The following ANKS6 variants were observed in gnomAD, a reference collection of about 807,000 sequenced individuals.
The protein encoded by ANKS6 is ankyrin repeat and sterile alpha motif domain containing 6, also known as ankyrin repeat and SAM domain-containing protein 6.
ANKS6 carries 47 observed loss-of-function variants against 77.9 expected under a neutral mutation model. The observed-to-expected ratio is 0.60, with a 90% CI of 0.48 to 0.77. ANKS6 has a LOEUF of 0.77. ANKS6 is among the 30% of genes least tolerant of loss of function. ANKS6 has a pLI of 0.00. For synonymous variants in ANKS6, 488 were observed against 501.7 expected, an observed-to-expected ratio of 0.97 and a Z score of 0.37; for missense variants, 1,150 against 1,159.1, an observed-to-expected ratio of 0.99 and a Z score of 0.11.
At position 98,778,194 on chromosome 9, in the gene ANKS6, A is replaced by G. The variant is rs749862899; in HGVS notation, c.1567+32T>C. The stretch of plus-strand genomic sequence containing the variant: ...GAGGGTACAGGCTCAGACCATTCCA[A>G]AAATTCTACTGCACATGCAGACTTT... On this transcript the variant is annotated intron_variant, in intron 7 of 14. Transcript: ENST00000353234. 7 of 1,612,288 alleles carry G rather than the reference A, an allele frequency of 4.3e-6. No homozygotes were observed. The East Asian group carries it at 8.9e-5, about 21-fold the overall frequency.
chr9:98,784,723 T>C (rs935359497), intron 3 of ANKS6, 109 bp downstream of exon 3: 34 of 1,058,592 alleles, frequency 3.2e-5, no homozygotes, highest in East Asian at 4.8e-5. Context: ...AAAATGCCTG[T>C]TTCTTTCTCA....
At chr9:98,757,344 T>C (rs974443197) in intron 11 of ANKS6, among the ~76,000 whole-genome samples, 7 of 152,216 alleles carry the variant, frequency 4.6e-5, no homozygotes, top group African/African-American at 1.2e-4. Flanking sequence ...TGTATCTCTG[T>C]AGGCTCCTCT....
chr9:98,784,506 T>A (rs1455863144), intron 3 of ANKS6: 2 of 410,306 alleles, frequency 4.9e-6, no homozygotes, highest in Non-Finnish European at 8.6e-6. Flanking sequence ...AGGGTCTATA[T>A]CAAGAGAGAA....
At chr9:98,774,300 A>G (rs1362938355) in intron 8 of ANKS6, among the ~76,000 whole-genome samples, 1 of 152,188 alleles carries the variant, frequency 6.6e-6, no homozygotes, top group African/African-American at 2.4e-5. Context: ...CTCTCCTCAC[A>G]GCAGCAAGAT....
rs779072591 is a variant in ANKS6, at chr9:98,796,238, G to A, written c.254C>T (p.Ala85Val). The A allele has an allele frequency of 1.4e-6, 2 of 1,404,526 alleles. No individual in the cohort carries two copies. Among genetic ancestry groups the A allele is most frequent in the South Asian group, 1.5e-5 (1 of 66,190 alleles). 87.0% of individuals were successfully genotyped at this position (1,404,526 alleles called of 1,614,324 possible). A position where few individuals can be genotyped will look rare whatever the true frequency, so the allele number is the denominator to read the frequency against. Residue 85 changes from alanine (A) to valine (V), a missense_variant, in exon 1 of 15, where the codon GCC (alanine) becomes GTC (valine). Ala to Val is a moderately conservative substitution (Grantham distance 64). Transcript: ENST00000353234. ...DEAGNTALQF[A>V]AAGGHEPLVR... Reference sequence around the variant, plus strand: ...CAGCGGTTCGTGGCCCCCGGCCGCGGCGAACTGCAGTGCGGTGTTGCCCGC... The same window carrying A: ...CAGCGGTTCGTGGCCCCCGGCCGCGACGAACTGCAGTGCGGTGTTGCCCGC...
chr9:98,734,523 T>C lies in ANKS6; in HGVS notation c.*1996A>G. On this transcript the variant is annotated 3_prime_UTR_variant, in exon 15 of 15. Coordinates refer to ENST00000353234, the MANE Select transcript of ANKS6 (RefSeq NM_173551.5). Reference sequence around the variant, plus strand: ...GGCCTACTGTTAACCCCTGAAGCCATCAGTAAATTAAAACAAGAATCACAA... The same window carrying C: ...GGCCTACTGTTAACCCCTGAAGCCACCAGTAAATTAAAACAAGAATCACAA... 1 of 985,366 alleles carries C rather than the reference T, an allele frequency of 1.0e-6. No individual in the cohort carries two copies. The highest frequency in any genetic ancestry group is 4.7e-5 in the South Asian group (1 of 21,284). 61.0% of individuals were successfully genotyped at this position (985,366 alleles called of 1,614,324 possible).
At chr9:98,788,894 G>C (rs1426527868) in intron 2 of ANKS6, among the ~76,000 whole-genome samples, 1 of 152,112 alleles carries the variant, frequency 6.6e-6, no homozygotes, top group Admixed American at 6.5e-5. Flanking sequence ...CAAAGTAAGA[G>C]GTCTCTTGGC....
rs780385252 is a variant in ANKS6, at chr9:98,774,100, G to A, written c.1618-20C>T. The A allele has an allele frequency of 7.0e-6, 10 of 1,435,084 alleles. No homozygotes were observed. The South Asian group carries it at 1.4e-4, about 20-fold the overall frequency. 88.9% of individuals were successfully genotyped at this position (1,435,084 alleles called of 1,614,324 possible). On this transcript the variant is annotated intron_variant, in intron 8 of 14. Coordinates refer to ENST00000353234, the MANE Select transcript of ANKS6 (RefSeq NM_173551.5). Reference sequence around the variant, plus strand: ...TCGAAGCTGAAAAAGACAGGCTGAGGGTTAGACAAGCCCCCAGGAGGGCTC... The same window carrying A: ...TCGAAGCTGAAAAAGACAGGCTGAGAGTTAGACAAGCCCCCAGGAGGGCTC...
At chr9:98,755,992 C>T (rs1349574297) in intron 12 of ANKS6, among the ~76,000 whole-genome samples, 2 of 152,142 alleles carry the variant, frequency 1.3e-5, no homozygotes, top group East Asian at 3.9e-4. Context: ...CACCTGAATT[C>T]AGGCATGGTT....
At chr9:98,747,078 G>A (rs887960860) in intron 13 of ANKS6, among the ~76,000 whole-genome samples, 1 of 152,180 alleles carries the variant, frequency 6.6e-6, no homozygotes, top group East Asian at 1.9e-4. Flanking sequence ...AAATTACAGG[G>A]TGGATGCGGG....
chr9:98,732,484 C>T lies in ANKS6; in HGVS notation c.*4035G>A, dbSNP rs1295814583. The T allele has an allele frequency of 1.3e-6, 2 of 1,550,408 alleles. No homozygotes were observed. On this transcript the variant is annotated 3_prime_UTR_variant, in exon 15 of 15. Coordinates refer to ENST00000353234, the MANE Select transcript of ANKS6 (RefSeq NM_173551.5). ...TCACTTCTGTGGGCTCCGATGCCAG[C>T]AGAGCCACCTGAGCGGCTGCTACCT...
At chr9:98,740,493 G>A (rs750644718) in intron 14 of ANKS6, among the ~76,000 whole-genome samples, 3 of 152,204 alleles carry the variant, frequency 2.0e-5, no homozygotes, top group Non-Finnish European at 4.4e-5. Context: ...GCGCTGCACT[G>A]AAGCTCACCC....
chr9:98,772,458 A>G (rs752834276), intron 9 of ANKS6, among the ~76,000 whole-genome samples: 3 of 152,022 alleles, frequency 2.0e-5, no homozygotes, highest in Admixed American at 1.3e-4. Context: ...GAGAGAATAC[A>G]TTTCTGTTGT....
At chr9:98,783,272 A>C (rs1186384696) in intron 4 of ANKS6, among the ~76,000 whole-genome samples, 2 of 152,112 alleles carry the variant, frequency 1.3e-5, no homozygotes, top group African/African-American at 4.8e-5. Flanking sequence ...TCTGAAATAA[A>C]ATTTCGTCTT....
rs1831499190 is a variant in ANKS6 at position 98,736,337 on chromosome 9, T to C, written c.*182A>G. 3 of 1,421,846 alleles carry C rather than the reference T, an allele frequency of 2.1e-6. No homozygotes were observed. The highest frequency in any genetic ancestry group is 1.4e-5 in the African/African-American group (1 of 69,474). The allele number at this position is 1,421,846 out of a possible 1,614,324, so 88.1% of individuals were successfully genotyped here. A position where few individuals can be genotyped will look rare whatever the true frequency, so the allele number is the denominator to read the frequency against. On this transcript the variant is annotated 3_prime_UTR_variant, in exon 15 of 15. Transcript: ENST00000353234. ...TTACATGGGAATCTGTCTCTGTGTG[T>C]TGAAGTTTGTTGCAGCAAGAAGTAC...
At position 98,792,776 on chromosome 9, in the gene ANKS6, C is replaced by T. The variant is rs116918899; in HGVS notation, c.360-2170G>A. On this transcript the variant is annotated intron_variant, in intron 1 of 14. Coordinates refer to ENST00000353234, the MANE Select transcript of ANKS6 (RefSeq NM_173551.5). ...TTAATCTAAAGCCTCTCAATTTGAA[C>T]GTGATAGAGTCAAAAGTTGCACCTG... is the stretch of plus-strand genomic sequence containing the variant. Among the ~76,000 whole-genome samples, 798 of 152,184 alleles carry T rather than the reference C, an allele frequency of 5.2e-3. 6 individuals carry two copies. Among genetic ancestry groups the T allele is most frequent in the South Asian group, 0.024 (114 of 4,808 alleles).
At position 98,778,376 on chromosome 9, in the gene ANKS6, G is replaced by C; in HGVS notation, c.1417C>G (p.Gln473Glu). Residue 473 changes from glutamine (Q) to glutamate (E), a missense_variant, in exon 7 of 15, where the codon CAG (glutamine) becomes GAG (glutamate). Gln to Glu is a conservative substitution (Grantham distance 29). Transcript: ENST00000353234. The stretch of plus-strand genomic sequence containing the variant: ...CTGGACAGCCCACGGGGCAGCGTCT[G>C]CATCAGTTTGAGCTTTCGGAACCGA... ...SNRFRKLKLM[Q>E]TLPRGLSSNQ... The C allele has an allele frequency of 2.5e-6, 4 of 1,614,172 alleles. No individual in the cohort carries two copies. Among genetic ancestry groups the C allele is most frequent in the South Asian group, 1.1e-5 (1 of 91,072 alleles).
intron 2 of ANKS6, among the ~76,000 whole-genome samples, chr9:98,787,888 C>T (rs1027763261): frequency 2.0e-5 from 3 of 152,180 alleles, no homozygotes; most frequent in Non-Finnish European, 2.9e-5. Flanking sequence ...CAAATAACGC[C>T]GACAACACTA....
intron 6 of ANKS6, among the ~76,000 whole-genome samples, chr9:98,779,702 C>T (rs1240236972): frequency 6.6e-6 from 1 of 151,958 alleles, no homozygotes; most frequent in Non-Finnish European, 1.5e-5. Flanking sequence ...TTCGCTCTGT[C>T]GCCCAGGCTG....
Sources: gnomAD v4.1 joint callset for allele counts (sites outside exome capture counted in the v4.1 genomes callset) on GRCh38, gnomAD v4.1.1 for gene constraint, MANE v1.5 for transcripts, NCBI Gene and HGNC (gene_info 2026-07-23, HGNC 2026-07-21) for gene names.